Variants in ST8SIA1 observed in about 807,000 individuals in gnomAD.
ST8SIA1 encodes alpha-N-acetylneuraminide alpha-2,8-sialyltransferase.
A neutral mutation model predicts 35.9 loss-of-function variants in ST8SIA1; 16 were observed. The ratio of observed to expected loss-of-function variants is 0.45; its 90% confidence interval spans 0.30 to 0.68. ST8SIA1 has a LOEUF of 0.68. Ranked by LOEUF, ST8SIA1 falls within the 30% of genes least tolerant of loss-of-function variation. The probability of loss-of-function intolerance (pLI) is 0.09; values close to 1 mark genes in which losing one functional copy is unlikely to be tolerated. For missense variants in ST8SIA1, 383 were observed against 453.6 expected, an observed-to-expected ratio of 0.84 and a Z score of 1.41; for synonymous variants, 170 against 169.6, an observed-to-expected ratio of 1.00 and a Z score of -0.02.
rs563715393 is a variant in ST8SIA1, at chr12:22,317,664, G to T, written c.236+16333C>A. Among the ~76,000 whole-genome samples, 11 of 152,294 alleles carry T rather than the reference G, an allele frequency of 7.2e-5. No homozygotes were observed. In the East Asian group the frequency reaches 2.1e-3, roughly 29 times the overall value. ...AGTGATCCCATAGGGAGAGAACGAG[G>T]GCACTCAAAATGGAAGCCATGGTCT... On this transcript the variant is annotated intron_variant, in intron 1 of 4. Coordinates refer to ENST00000396037, the MANE Select transcript of ST8SIA1 (RefSeq NM_003034.4).
At chr12:22,288,540 C>G (rs1866133242) in intron 1 of ST8SIA1, among the ~76,000 whole-genome samples, 1 of 152,170 alleles carries the variant, frequency 6.6e-6, no homozygotes, top group Non-Finnish European at 1.5e-5. Flanking sequence ...CTGCAGGAGC[C>G]CCGCGGTGTG....
chr12:22,235,077 G>C (rs141237636), intron 4 of ST8SIA1, among the ~76,000 whole-genome samples: 1 of 152,154 alleles, frequency 6.6e-6, no homozygotes, highest in African/African-American at 2.4e-5. Flanking sequence ...CGCAGGGTGT[G>C]TGTGTCCAAA....
intron 1 of ST8SIA1, among the ~76,000 whole-genome samples, chr12:22,327,111 A>T (rs1434471295): frequency 6.6e-6 from 1 of 152,148 alleles, no homozygotes; most frequent in African/African-American, 2.4e-5. Context: ...AAACTCTCCA[A>T]CCACCTCCAT....
chr12:22,267,684 TCA>T (rs1179427772), intron 2 of ST8SIA1, among the ~76,000 whole-genome samples: 2 of 152,168 alleles, frequency 1.3e-5, no homozygotes, highest in East Asian at 3.9e-4. Context: ...TACCCTTTTT[TCA>T]CAGTGTAACT....
At chr12:22,263,565 TA>T (rs1865815836) in intron 2 of ST8SIA1, among the ~76,000 whole-genome samples, 2 of 152,222 alleles carry the variant, frequency 1.3e-5, no homozygotes, top group Non-Finnish European at 1.5e-5. Flanking sequence ...CTCTTTTAGC[TA>T]AAAGAGTGAT....
chr12:22,274,664 G>A (rs1865948251), intron 2 of ST8SIA1, among the ~76,000 whole-genome samples: 1 of 152,212 alleles, frequency 6.6e-6, no homozygotes, highest in Non-Finnish European at 1.5e-5. Flanking sequence ...CTTAGAGGGT[G>A]ACTGTCCACA....
At chr12:22,228,233 G>A (rs1205966084) in intron 4 of ST8SIA1, among the ~76,000 whole-genome samples, 2 of 152,224 alleles carry the variant, frequency 1.3e-5, no homozygotes, top group South Asian at 2.1e-4. Flanking sequence ...TTCTTTGCCA[G>A]TGGATAGAGT....
At chr12:22,231,842 C>T (rs1268403839) in intron 4 of ST8SIA1, among the ~76,000 whole-genome samples, 2 of 152,176 alleles carry the variant, frequency 1.3e-5, no homozygotes, top group African/African-American at 2.4e-5. Flanking sequence ...CAAAGAATTG[C>T]TTTATTCTTA....
At chr12:22,258,062 T>G (rs2135798133) in intron 2 of ST8SIA1, among the ~76,000 whole-genome samples, 1 of 151,594 alleles carries the variant, frequency 6.6e-6, no homozygotes, top group Non-Finnish European at 1.5e-5. Context: ...ACTGGGGTAG[T>G]GAGAAGTAGC....
chr12:22,279,287 C>G (rs1257627647), intron 2 of ST8SIA1, among the ~76,000 whole-genome samples: 1 of 152,182 alleles, frequency 6.6e-6, no homozygotes, highest in East Asian at 1.9e-4. Context: ...GCTCTAGTAA[C>G]TTGGTTTATG....
intron 2 of ST8SIA1, among the ~76,000 whole-genome samples, chr12:22,273,048 T>G (rs1865930090): frequency 6.6e-6 from 1 of 152,156 alleles, no homozygotes; most frequent in African/African-American, 2.4e-5. Context: ...CAGTTAGCCT[T>G]AAAGGCTTCA....
At chr12:22,297,832 T>C (rs1375406734) in intron 1 of ST8SIA1, among the ~76,000 whole-genome samples, 1 of 152,142 alleles carries the variant, frequency 6.6e-6, no homozygotes, top group African/African-American at 2.4e-5. Flanking sequence ...TCTTTTTGTA[T>C]GCTAATGAGT....
At chr12:22,205,728 G>A (rs943439628) in intron 4 of ST8SIA1, among the ~76,000 whole-genome samples, 4 of 151,382 alleles carry the variant, frequency 2.6e-5, no homozygotes, top group African/African-American at 9.7e-5. Flanking sequence ...GACCAGCCTG[G>A]GCAACCATCT....
chr12:22,243,760 A>G (rs2300723), intron 4 of ST8SIA1, among the ~76,000 whole-genome samples: 109,571 of 152,060 alleles, frequency 0.72, 39,689 homozygotes, highest in Middle Eastern at 0.87. Context: ...GGCCGGGTGC[A>G]GTGGCTCACA....
At position 22,287,171 on chromosome 12, in the gene ST8SIA1, G is replaced by C; in HGVS notation, c.359C>G (p.Ser120Ter). Reference protein sequence around the residue: ...EFLYSFTIDNSTYSLFPQATP... With the variant: ...EFLYSFTIDN Reference sequence around the variant, plus strand: ...AACCTGTGGGAAGAGAGAGTAAGTTGAATTGTCAATGGTGAATGAGTATAA... The same window carrying C: ...AACCTGTGGGAAGAGAGAGTAAGTTCAATTGTCAATGGTGAATGAGTATAA... The change falls in exon 2 of 5, where the codon TCA becomes TGA. Residue 120 changes from serine (S) to a stop codon, truncating the protein, a stop_gained. Coordinates refer to ENST00000396037, the MANE Select transcript of ST8SIA1 (RefSeq NM_003034.4). LOFTEE classifies it high-confidence loss of function. 1 of 1,613,994 alleles carries C rather than the reference G, an allele frequency of 6.2e-7. No individual in the cohort carries two copies.
At chr12:22,295,447 T>C (rs559103893) in intron 1 of ST8SIA1, among the ~76,000 whole-genome samples, 29 of 152,258 alleles carry the variant, frequency 1.9e-4, no homozygotes, top group African/African-American at 6.5e-4. Flanking sequence ...AAAACCTACA[T>C]GCAGGCCAGG....
intron 4 of ST8SIA1, among the ~76,000 whole-genome samples, chr12:22,205,503 A>T (rs1212722183): frequency 6.6e-5 from 10 of 152,220 alleles, no homozygotes; most frequent in Non-Finnish European, 1.5e-5. Context: ...AACCAATAAG[A>T]TTTTTTAAAT....
At chr12:22,272,974 T>C (rs1865928675) in intron 2 of ST8SIA1, among the ~76,000 whole-genome samples, 1 of 152,356 alleles carries the variant, frequency 6.6e-6, no homozygotes, top group South Asian at 2.1e-4. Flanking sequence ...ACTTGTATTA[T>C]CTAATGACAC....
At chr12:22,220,668 A>G (rs942171998) in intron 4 of ST8SIA1, among the ~76,000 whole-genome samples, 2 of 152,238 alleles carry the variant, frequency 1.3e-5, no homozygotes, top group African/African-American at 4.8e-5. Context: ...AAGTAAAAAC[A>G]GTGTTGGGGG....
Sources: gnomAD v4.1 joint callset for allele counts (sites outside exome capture counted in the v4.1 genomes callset) on GRCh38, gnomAD v4.1.1 for gene constraint, MANE v1.5 for transcripts, NCBI Gene and HGNC (gene_info 2026-07-23, HGNC 2026-07-21) for gene names.